Variants in PSD3 observed in about 807,000 individuals in gnomAD.
The protein encoded by PSD3 is pleckstrin and Sec7 domain containing 3, also known as PH and SEC7 domain-containing protein 3.
Under a neutral mutation model 105.5 loss-of-function variants are expected in PSD3, and 49 were observed. The ratio of observed to expected loss-of-function variants is 0.46; its 90% CI spans 0.37 to 0.59. PSD3 has a LOEUF of 0.59. Among genes scored for constraint, PSD3 ranks in the 20% least tolerant of loss-of-function variants. The probability of loss-of-function intolerance (pLI) is 0.00; values close to 1 mark genes in which losing one functional copy is unlikely to be tolerated. For synonymous variants in PSD3, 557 were observed against 457.8 expected, an observed-to-expected ratio of 1.22 and a Z score of -2.77; for missense variants, 1,561 against 1,263.8, an observed-to-expected ratio of 1.24 and a Z score of -3.57.
rs1423100281 is a variant in PSD3 at position 18,666,729 on chromosome 8, G to T, written c.2173-11044C>A. 2.0e-5 allele frequency among the ~76,000 whole-genome samples: 3 copies of T among 146,550 alleles called. 1 individual carries two copies. The highest frequency in any genetic ancestry group is 2.3e-4 in the East Asian group (1 of 4,408). On this transcript the variant is annotated intron_variant, in intron 9 of 15. Coordinates refer to ENST00000327040, the MANE Select transcript of PSD3 (RefSeq NM_015310.4). Reference sequence around the variant, plus strand: ...GCTTCACTATTGCTTTTTTTTGGGGGGTGGGGGGAAGTAGCTGGAAGCACA... The same window carrying T: ...GCTTCACTATTGCTTTTTTTTGGGGTGTGGGGGGAAGTAGCTGGAAGCACA...
At chr8:18,939,350 G>A (rs1403446946) in intron 1 of PSD3, among the ~76,000 whole-genome samples, 3 of 152,112 alleles carry the variant, frequency 2.0e-5, no homozygotes, top group African/African-American at 7.2e-5. Context: ...ACAAACCAGA[G>A]TATTGGTAGC....
chr8:18,798,520 A>G (rs907950027), intron 8 of PSD3, among the ~76,000 whole-genome samples: 3 of 152,170 alleles, frequency 2.0e-5, no homozygotes, highest in African/African-American at 7.2e-5. Context: ...GACTAGCAGA[A>G]TATCTAAATA....
rs148176505 is a variant in PSD3 at position 18,871,697 on chromosome 8, C to G, written c.1167G>C (p.Glu389Asp). The G allele has an allele frequency of 6.2e-7, 1 of 1,614,088 alleles. No homozygotes were observed. The highest frequency in any genetic ancestry group is 2.2e-5 in the East Asian group (1 of 44,874). ...TGTTTTCCTGTAGGAAGACTTCATC[C>G]TCTCCACTCTCATCAAGACGCACAG... ...FSPVRLDESG[E>D]DEVFLQENKQ... The change falls in exon 3 of 16, where the codon GAG becomes GAC. Residue 389 changes from glutamate to aspartate, a missense_variant. Glu to Asp is a conservative substitution (Grantham distance 45, BLOSUM62 2). Coordinates refer to ENST00000327040, the MANE Select transcript of PSD3 (RefSeq NM_015310.4).
chr8:19,070,409 G>A (rs1341882754), intron 1 of PSD3, among the ~76,000 whole-genome samples: 2 of 149,158 alleles, frequency 1.3e-5, no homozygotes, highest in African/African-American at 2.4e-5. Context: ...AGCTAGAGAG[G>A]CAAGATATAA....
chr8:19,014,668 G>C (rs1209583230), upstream of PSD3, among the ~76,000 whole-genome samples: 1 of 152,192 alleles, frequency 6.6e-6, no homozygotes, highest in Non-Finnish European at 1.5e-5. The surrounding 1 kb of genome is among the most constrained non-coding windows in gnomAD (Gnocchi z 4.9). Flanking sequence ...TTTTTCAAGT[G>C]ACAGGTAGAA....
chr8:18,804,242 T>C (rs539433597), intron 6 of PSD3: 2 of 291,380 alleles, frequency 6.9e-6, no homozygotes, highest in South Asian at 1.3e-4. Context: ...ACAACACTTT[T>C]CAGTGCTGAA....
intron 4 of PSD3, among the ~76,000 whole-genome samples, chr8:18,806,126 T>A (rs1402698090): frequency 6.6e-6 from 1 of 152,192 alleles, no homozygotes; most frequent in Non-Finnish European, 1.5e-5. Context: ...ACTGGTTTCA[T>A]CAAGGATTTT....
chr8:18,931,969 T>G (rs931218982), intron 2 of PSD3, among the ~76,000 whole-genome samples: 2 of 152,208 alleles, frequency 1.3e-5, no homozygotes, highest in African/African-American at 4.8e-5. Context: ...AACCTACCAA[T>G]GAGTTTGGGC....
chr8:18,884,317 T>A (rs182029132), intron 2 of PSD3, among the ~76,000 whole-genome samples: 1 of 152,188 alleles, frequency 6.6e-6, no homozygotes, highest in Non-Finnish European at 1.5e-5. Flanking sequence ...AACACAGTGA[T>A]ACATGACTCA....
At chr8:18,625,871 C>T (rs1200028989) in intron 11 of PSD3, among the ~76,000 whole-genome samples, 1 of 152,062 alleles carries the variant, frequency 6.6e-6, no homozygotes, top group African/African-American at 2.4e-5. Context: ...ATTTAGCAAT[C>T]ATTTAATTAT....
Position 18,871,607 on chromosome 8 carries a change from G to C in PSD3, c.1238+19C>G, listed in dbSNP as rs1209718956. On this transcript the variant is annotated intron_variant, in intron 3 of 15. Coordinates refer to ENST00000327040, the MANE Select transcript of PSD3 (RefSeq NM_015310.4). ...ATGTACCAGGCATCTGAGACAGCAG[G>C]GCTACTATGGGAGCTCACCTTTCCC... 6.4e-7 allele frequency: 1 copy of C among 1,572,000 alleles called. No homozygotes were observed. Among genetic ancestry groups the C allele is most frequent in the Non-Finnish European group, 8.6e-7 (1 of 1,161,614 alleles).
At chr8:18,960,021 C>T (rs1022243715) in intron 1 of PSD3, among the ~76,000 whole-genome samples, 1 of 152,186 alleles carries the variant, frequency 6.6e-6, no homozygotes, top group Admixed American at 6.5e-5. Context: ...AAAAATCATT[C>T]CATCCCCAGA....
At chr8:18,877,413 GAA>G (rs1586303565) in intron 2 of PSD3, among the ~76,000 whole-genome samples, 2 of 152,032 alleles carry the variant, frequency 1.3e-5, no homozygotes, top group East Asian at 3.8e-4. Context: ...GCTATCTGTT[GAA>G]AAGACTATTC....
chr8:18,870,293 A>G (rs1344660279), intron 3 of PSD3, among the ~76,000 whole-genome samples: 1 of 152,222 alleles, frequency 6.6e-6, no homozygotes, highest in Non-Finnish European at 1.5e-5. Context: ...GATGGTACCA[A>G]TTAGAAGTAC....
intron 4 of PSD3, among the ~76,000 whole-genome samples, chr8:18,819,315 C>G (rs781603008): frequency 1.3e-5 from 2 of 152,024 alleles, no homozygotes; most frequent in Non-Finnish European, 2.9e-5. Context: ...ACAGGCAGCA[C>G]AAACCAGCTT....
At chr8:18,721,452 C>T (rs1802967275) in intron 9 of PSD3, among the ~76,000 whole-genome samples, 1 of 152,074 alleles carries the variant, frequency 6.6e-6, no homozygotes, top group Non-Finnish European at 1.5e-5. Context: ...TTTTGTTTTT[C>T]CTTGAAGTTC....
intron 11 of PSD3, among the ~76,000 whole-genome samples, chr8:18,614,802 T>TG (rs1585393466): frequency 2.1e-5 from 2 of 96,192 alleles, no homozygotes; most frequent in African/African-American, 3.8e-5. Flanking sequence ...CTAATTTTTT[T>TG]TTTGTTTTGT....
rs551925227 is a variant in PSD3 at position 18,801,127 on chromosome 8, A to C, written c.2023+143T>G. 4.2e-5 allele frequency: 22 copies of C among 522,040 alleles called. No homozygotes were observed. The Admixed American group carries it at 6.7e-4, about 16-fold the overall frequency. 32.3% of individuals were successfully genotyped at this position (522,040 alleles called of 1,614,324 possible). ...CAATTTGACATTAAATATTAAATAG[A>C]CTAGAATGAAGTAAACAGAAGTGTT... On this transcript the variant is annotated intron_variant, in intron 7 of 15. Coordinates refer to ENST00000327040, the MANE Select transcript of PSD3 (RefSeq NM_015310.4).
intron 2 of PSD3, among the ~76,000 whole-genome samples, chr8:18,933,999 A>C (rs1286737264): frequency 6.6e-6 from 1 of 152,218 alleles, no homozygotes; most frequent in Non-Finnish European, 1.5e-5. Flanking sequence ...GATTTTTAAA[A>C]ATAATTTAGC....
Sources: gnomAD v4.1 joint callset for allele counts (sites outside exome capture counted in the v4.1 genomes callset) on GRCh38, gnomAD v4.1.1 for gene constraint, Gnocchi (gnomAD v3.1) non-coding constraint, MANE v1.5 for transcripts, NCBI Gene and HGNC (gene_info 2026-07-23, HGNC 2026-07-21) for gene names.